Variants in MBOAT1 observed in about 807,000 individuals in gnomAD.
The protein encoded by MBOAT1 is membrane-bound glycerophospholipid O-acyltransferase 1.
Under a neutral mutation model 64.4 loss-of-function variants are expected in MBOAT1, and 67 were observed. The observed-to-expected ratio is 1.04, with a 90% CI of 0.85 to 1.27. The LOEUF (loss-of-function observed/expected upper bound fraction) is 1.27, where lower values mean the gene tolerates loss of function less well. MBOAT1 is among the 50% of genes most tolerant of loss of function. The pLI is 0.00. For missense variants in MBOAT1, 563 were observed against 604.6 expected (o/e 0.93, Z 0.72); for synonymous variants, 229 against 218.9 (o/e 1.05, Z -0.41).
At chr6:20,135,217 T>G (rs1760949984) in intron 4 of MBOAT1, among the ~76,000 whole-genome samples, 1 of 152,130 alleles carries the variant, frequency 6.6e-6, no homozygotes, top group Non-Finnish European at 1.5e-5. Context: ...ATTTTTTTCA[T>G]TATTAAAAAA....
chr6:20,113,919 T>C (rs1433067747), intron 10 of MBOAT1, among the ~76,000 whole-genome samples: 1 of 151,878 alleles, frequency 6.6e-6, no homozygotes, highest in Non-Finnish European at 1.5e-5. Context: ...CAGTAACCGA[T>C]TTAAACACAA....
intron 1 of MBOAT1, among the ~76,000 whole-genome samples, chr6:20,170,318 G>A (rs1762154204): frequency 6.6e-6 from 1 of 152,142 alleles, no homozygotes; most frequent in African/African-American, 2.4e-5. Flanking sequence ...AATGCCTACA[G>A]AAATCCTCAC....
intron 1 of MBOAT1, among the ~76,000 whole-genome samples, chr6:20,153,609 C>A (rs181192267): frequency 1.4e-3 from 214 of 152,322 alleles, no homozygotes; most frequent in African/African-American, 5.0e-3. Context: ...AACAATGTCT[C>A]ATTTTAAACT....
In MBOAT1 at chr6:20,112,931, G is replaced by A; in HGVS notation, c.1154C>T (p.Pro385Leu). Residue 385 changes from proline (P) to leucine (L), a missense_variant, in exon 11 of 13, where the codon CCT becomes CTT. Transcript: ENST00000324607. ...ILSALWHGVY[P>L]GYYFTFLTGI... ...AGTTAAGAAGGTAAAATAGTATCCAGGGTAGACACCATGCCACAAAGCAGA... is the reference window on the plus strand; with the variant it reads ...AGTTAAGAAGGTAAAATAGTATCCAAGGTAGACACCATGCCACAAAGCAGA... 1 of 1,614,126 alleles carries A rather than the reference G, an allele frequency of 6.2e-7. No individual in the cohort carries two copies. Among genetic ancestry groups the A allele is most frequent in the Non-Finnish European group, 8.5e-7 (1 of 1,180,000 alleles).
intron 9 of MBOAT1, 43 bp downstream of exon 9, chr6:20,118,394 G>A: frequency 6.8e-7 from 1 of 1,472,364 alleles, no homozygotes; most frequent in African/African-American, 1.4e-5. Flanking sequence ...CAAATCATTT[G>A]CTTTCTTCAC....
rs1197279681 is a variant in MBOAT1, at chr6:20,205,898, G to A, written c.99+6238C>T. ...ACCTCATCAGGGCTCTGAGACCCTA[G>A]GGGGGCCACCCTACCTGCCCAGACC... On this transcript the variant is annotated intron_variant, in intron 1 of 12. Coordinates refer to ENST00000324607, the MANE Select transcript of MBOAT1 (RefSeq NM_001080480.3). Among the ~76,000 whole-genome samples the A allele has an allele frequency of 5.3e-5, 8 of 151,688 alleles. No individual in the cohort carries two copies. The East Asian group carries it at 1.5e-3, about 29-fold the overall frequency.
intron 1 of MBOAT1, among the ~76,000 whole-genome samples, chr6:20,196,356 A>G (rs533795193): frequency 6.6e-6 from 1 of 152,294 alleles, no homozygotes; most frequent in African/African-American, 2.4e-5. Flanking sequence ...AAGACCACAT[A>G]CTGTATGATT....
At chr6:20,194,898 A>T (rs542886312) in intron 1 of MBOAT1, among the ~76,000 whole-genome samples, 1 of 152,164 alleles carries the variant, frequency 6.6e-6, no homozygotes, top group East Asian at 1.9e-4. Context: ...TGTTTATTTT[A>T]TACTTTGAGT....
chr6:20,125,622 T>C (rs933671877), intron 7 of MBOAT1, among the ~76,000 whole-genome samples: 1 of 152,248 alleles, frequency 6.6e-6, no homozygotes, highest in Non-Finnish European at 1.5e-5. Flanking sequence ...TGCCTAGAAA[T>C]GCTGTCACTT....
Position 20,201,603 on chromosome 6 carries a change from T to G in MBOAT1, c.99+10533A>C, listed in dbSNP as rs1212401601. 3.3e-5 allele frequency among the ~76,000 whole-genome samples: 5 copies of G among 149,590 alleles called. No homozygotes were observed. The Admixed American group carries it at 3.3e-4, about 10-fold the overall frequency. On this transcript the variant is annotated intron_variant, in intron 1 of 12. Coordinates refer to ENST00000324607, the MANE Select transcript of MBOAT1 (RefSeq NM_001080480.3). ...AAGTGATTTTTTTTTTTTTTTGAGA[T>G]GGAGTCTCATACTGTCGTCCAGGCT...
At chr6:20,106,915 G>A (rs551842795) in intron 12 of MBOAT1, among the ~76,000 whole-genome samples, 106 of 152,302 alleles carry the variant, frequency 7.0e-4, no homozygotes, top group Non-Finnish European at 1.4e-3. Flanking sequence ...AAAAAGAAGT[G>A]AAAAGCTACT....
At chr6:20,168,502 A>AGGAGAGGAGAG (rs1396179772) in intron 1 of MBOAT1, among the ~76,000 whole-genome samples, 3 of 92,838 alleles carry the variant, frequency 3.2e-5, no homozygotes, top group East Asian at 2.3e-4. Context: ...AGAGAGAGAG[A>AGGAGAGGAGAG]GAGAGGAGAG....
intron 1 of MBOAT1, among the ~76,000 whole-genome samples, chr6:20,160,718 T>C (rs539442117): frequency 2.0e-5 from 3 of 152,260 alleles, no homozygotes; most frequent in South Asian, 2.1e-4. Context: ...TACAAATAAA[T>C]GTAGCTGGGA....
intron 11 of MBOAT1, among the ~76,000 whole-genome samples, chr6:20,111,835 C>CATATATATATACATATATAT: frequency 1.1e-3 from 99 of 86,732 alleles, no homozygotes; most frequent in South Asian, 2.1e-3. Flanking sequence ...CATATATATA[C>CATATATATATACATATATAT]ACATATATAT....
chr6:20,196,974 T>A (rs1258650159), intron 1 of MBOAT1, among the ~76,000 whole-genome samples: 2 of 152,116 alleles, frequency 1.3e-5, no homozygotes, highest in Non-Finnish European at 2.9e-5. Flanking sequence ...ATGGAAAAAT[T>A]GGTGAAATTC....
At chr6:20,164,656 G>A (rs1456936795) in intron 1 of MBOAT1, among the ~76,000 whole-genome samples, 1 of 151,944 alleles carries the variant, frequency 6.6e-6, no homozygotes, top group Non-Finnish European at 1.5e-5. Flanking sequence ...TTTTTTTTAA[G>A]TTCCAAGGTG....
intron 11 of MBOAT1, 115 bp from the exon 12 acceptor site, chr6:20,109,864 C>A: frequency 1.3e-6 from 1 of 762,290 alleles, no homozygotes; most frequent in Non-Finnish European, 1.9e-6. Context: ...AGATAACCAA[C>A]ATCTGAGTTG....
intron 1 of MBOAT1, among the ~76,000 whole-genome samples, chr6:20,177,476 G>A (rs147219372): frequency 2.0e-3 from 299 of 152,208 alleles, no homozygotes; most frequent in African/African-American, 6.6e-3. Flanking sequence ...TTACAGGTGT[G>A]GGCCACTGTG....
chr6:20,126,393 A>T, intron 7 of MBOAT1, 124 bp downstream of exon 7: 2 of 831,700 alleles, frequency 2.4e-6, no homozygotes, highest in Non-Finnish European at 3.8e-6. Context: ...CTGGTATTTT[A>T]AATAAATGAG....
Sources: gnomAD v4.1 joint callset for allele counts (sites outside exome capture counted in the v4.1 genomes callset) on GRCh38, gnomAD v4.1.1 for gene constraint, MANE v1.5 for transcripts, NCBI Gene and HGNC (gene_info 2026-07-23, HGNC 2026-07-21) for gene names.